The following CSMD3 variants were observed in gnomAD, a reference collection of about 807,000 sequenced individuals.
CSMD3 encodes the protein CUB and sushi domain-containing protein 3.
A neutral mutation model predicts 435.2 loss-of-function variants in CSMD3; 177 were observed. That is an observed-to-expected ratio of 0.41 (90% CI 0.36 to 0.46). The LOEUF is 0.46. Ranked by LOEUF, CSMD3 falls within the 20% of genes least tolerant of loss-of-function variation. The pLI, the probability that CSMD3 is intolerant of heterozygous loss-of-function variation, is 0.34. For missense variants in CSMD3, 4,265 were observed against 4,504.6 expected (o/e 0.95, Z 1.52); for synonymous variants, 1,656 against 1,520.5 (o/e 1.09, Z -2.07).
In CSMD3 at chr8:112,411,755, T is replaced by C. The variant is rs577262496; in HGVS notation, c.5396-2723A>G. ...TCCATTCTGTCTGTAAATGTCTTAA[T>C]TTATTTAGTTTTTTAAGGTGCAAAC... On this transcript the variant is annotated intron_variant, in intron 32 of 70. Transcript: ENST00000297405. Among the ~76,000 whole-genome samples the C allele has an allele frequency of 2.0e-5, 3 of 152,156 alleles. No homozygotes were observed. In the South Asian group the frequency reaches 6.2e-4, roughly 32 times the overall value.
At chr8:113,290,991 A>G (rs749952669) in intron 2 of CSMD3, among the ~76,000 whole-genome samples, 2 of 151,436 alleles carry the variant, frequency 1.3e-5, no homozygotes, top group Non-Finnish European at 3.0e-5. Context: ...TTTCTACTTC[A>G]CAATATTGAA....
chr8:112,379,086 G>T (rs1829228055), intron 38 of CSMD3, among the ~76,000 whole-genome samples: 1 of 152,098 alleles, frequency 6.6e-6, no homozygotes, highest in Admixed American at 6.6e-5. Flanking sequence ...GGAAATTAAG[G>T]AAATAATACC....
intron 16 of CSMD3, among the ~76,000 whole-genome samples, chr8:112,681,057 A>T (rs529865019): frequency 1.8e-4 from 27 of 149,060 alleles, no homozygotes; most frequent in Admixed American, 4.0e-4. Context: ...TTTTTTTAAG[A>T]CAGAGTCTTG....
intron 9 of CSMD3, among the ~76,000 whole-genome samples, chr8:112,944,123 C>CA (rs2083532465): frequency 6.6e-6 from 1 of 151,574 alleles, no homozygotes; most frequent in South Asian, 2.1e-4. Flanking sequence ...AACTATTTTT[C>CA]ATTTTTCTCT....
chr8:112,274,228 T>C (rs1056435797), intron 59 of CSMD3, among the ~76,000 whole-genome samples: 7 of 151,904 alleles, frequency 4.6e-5, no homozygotes, highest in African/African-American at 1.2e-4. Flanking sequence ...AAAGAGTATA[T>C]TTAAAAAAAA....
At chr8:112,828,457 G>GCT (rs1222361290) in intron 12 of CSMD3, among the ~76,000 whole-genome samples, 49 of 151,220 alleles carry the variant, frequency 3.2e-4, no homozygotes, top group African/African-American at 8.7e-4. Context: ...TTCCCCCTTT[G>GCT]CTCTCTCTCT....
chr8:112,731,693 T>C (rs1011973014), intron 13 of CSMD3, among the ~76,000 whole-genome samples: 5 of 152,246 alleles, frequency 3.3e-5, no homozygotes, highest in Non-Finnish European at 5.9e-5. Flanking sequence ...GCTTGATATG[T>C]GATTTTCCCA....
intron 1 of CSMD3, among the ~76,000 whole-genome samples, chr8:113,366,421 T>G (rs2094311799): frequency 6.6e-6 from 1 of 152,006 alleles, no homozygotes; most frequent in Non-Finnish European, 1.5e-5. Context: ...AGAAATATCA[T>G]GAGGAAAACC....
At chr8:112,856,334 C>A (rs2080658004) in intron 11 of CSMD3, among the ~76,000 whole-genome samples, 1 of 151,706 alleles carries the variant, frequency 6.6e-6, no homozygotes, top group Admixed American at 6.6e-5. Context: ...GTAATAATAA[C>A]TTAATGTTTA....
chr8:112,481,376 T>C (rs950153053), intron 31 of CSMD3, among the ~76,000 whole-genome samples: 1 of 152,230 alleles, frequency 6.6e-6, no homozygotes, highest in East Asian at 1.9e-4. Context: ...CAATTTCACA[T>C]CTGTCTCTTC....
intron 22 of CSMD3, among the ~76,000 whole-genome samples, chr8:112,635,857 G>C (rs2074641320): frequency 1.3e-5 from 2 of 152,068 alleles, no homozygotes; most frequent in African/African-American, 4.8e-5. Flanking sequence ...CCATAGTAAA[G>C]AGCAGGGGCT....
At chr8:112,436,891 A>T (rs968622182) in intron 32 of CSMD3, among the ~76,000 whole-genome samples, 1 of 152,092 alleles carries the variant, frequency 6.6e-6, no homozygotes, top group East Asian at 1.9e-4. Context: ...CAATGCAGAG[A>T]CATATGGCAT....
intron 32 of CSMD3, among the ~76,000 whole-genome samples, chr8:112,435,983 G>A (rs1814295638): frequency 6.6e-6 from 1 of 151,814 alleles, no homozygotes; most frequent in African/African-American, 2.4e-5. Flanking sequence ...ATAATTTGTG[G>A]CAATGCCCTA....
intron 45 of CSMD3, among the ~76,000 whole-genome samples, chr8:112,328,330 T>C (rs1823706124): frequency 6.6e-6 from 1 of 152,286 alleles, no homozygotes; most frequent in African/African-American, 2.4e-5. Context: ...GCTACCTTAG[T>C]TTTAATTGAA....
intron 11 of CSMD3, among the ~76,000 whole-genome samples, chr8:112,856,498 C>T (rs1269355031): frequency 6.6e-6 from 1 of 151,708 alleles, no homozygotes; most frequent in South Asian, 2.1e-4. Flanking sequence ...CAGCATTTGG[C>T]AATAAAAATA....
chr8:113,366,959 T>C (rs1400078893), intron 1 of CSMD3, among the ~76,000 whole-genome samples: 1 of 152,036 alleles, frequency 6.6e-6, no homozygotes, highest in African/African-American at 2.4e-5. Context: ...TTATTGAAAT[T>C]AGGTTATTCC....
intron 1 of CSMD3, among the ~76,000 whole-genome samples, chr8:113,407,953 T>A (rs1222951819): frequency 6.6e-6 from 1 of 152,118 alleles, no homozygotes; most frequent in Admixed American, 6.6e-5. Context: ...AGTTTAAAGT[T>A]ATAGAAAAAA....
At chr8:112,898,898 A>T (rs1488314723) in intron 10 of CSMD3, among the ~76,000 whole-genome samples, 1 of 151,176 alleles carries the variant, frequency 6.6e-6, no homozygotes, top group African/African-American at 2.4e-5. Context: ...ATAAAATTGA[A>T]ACTTTGGTTT....
At chr8:112,769,292 G>A (rs188004744) in intron 13 of CSMD3, among the ~76,000 whole-genome samples, 4 of 151,936 alleles carry the variant, frequency 2.6e-5, no homozygotes, top group African/African-American at 9.6e-5. Flanking sequence ...TCTGAATTCA[G>A]GGTAAAATCC....
Sources: allele counts gnomAD v4.1 joint callset (sites outside exome capture counted in the v4.1 genomes callset), GRCh38; gene constraint gnomAD v4.1.1; transcripts MANE v1.5; gene names NCBI Gene and HGNC (gene_info 2026-07-23, HGNC 2026-07-21).